JAKMIP1: variants seen among roughly 807,000 people sequenced by gnomAD.
JAKMIP1 encodes janus kinase and microtubule-interacting protein 1.
A neutral mutation model predicts 113.0 loss-of-function variants in JAKMIP1; 33 were observed. The observed-to-expected ratio is 0.29, with a 90% CI of 0.22 to 0.39. JAKMIP1 has a LOEUF of 0.39. Among genes scored for constraint, JAKMIP1 ranks in the 10% least tolerant of loss-of-function variants. The probability of loss-of-function intolerance (pLI) is 1.00; values close to 1 mark genes in which losing one functional copy is unlikely to be tolerated. For missense variants in JAKMIP1, 813 were observed against 1,080.5 expected (o/e 0.75, Z 3.47); for synonymous variants, 480 against 459.9 (o/e 1.04, Z -0.56).
chr4:6,060,833 C>T (rs1717172284), intron 10 of JAKMIP1, among the ~76,000 whole-genome samples: 1 of 152,228 alleles, frequency 6.6e-6, no homozygotes, highest in Non-Finnish European at 1.5e-5. Context: ...ACACTGGGGG[C>T]CCAGGCCCAG....
intron 2 of JAKMIP1, 22 bp from the exon 3 acceptor site, chr4:6,105,989 A>C (rs2108876199): frequency 6.6e-7 from 1 of 1,526,220 alleles, no homozygotes; most frequent in Middle Eastern, 1.7e-4. Flanking sequence ...GCGGCGAGAG[A>C]GCCGGTCAGG....
chr4:6,064,790 A>G lies in JAKMIP1; in HGVS notation c.1431+90T>C. On this transcript the variant is annotated intron_variant, in intron 9 of 20. Coordinates refer to ENST00000409021, the MANE Select transcript of JAKMIP1 (RefSeq NM_001099433.2). This position sits in a 1 kb window ranked among gnomAD's most constrained non-coding sequence, Gnocchi z 4.3. The stretch of plus-strand genomic sequence containing the variant: ...CATCTGGGGTTCAGAACTATAGGCA[A>G]GGGAGCGAAACTTGCAACTATCAAA... The G allele has an allele frequency of 6.4e-7, 1 of 1,551,168 alleles. No homozygotes were observed. The highest frequency in any genetic ancestry group is 8.8e-7 in the Non-Finnish European group (1 of 1,130,898).
In JAKMIP1 at chr4:6,168,774, C is replaced by T. The variant is rs895034287; in HGVS notation, c.-148+31479G>A. On this transcript the variant is annotated intron_variant, in intron 1 of 20. Transcript: ENST00000409021. The surrounding 1 kb of genome is among the most constrained non-coding windows in gnomAD (Gnocchi z 4.6). The stretch of plus-strand genomic sequence containing the variant: ...AATTAGCCAGGCCTGGTGGCATGCC[C>T]CTGTGGTCCCAGCTACTTGGGAGGC... Among the ~76,000 whole-genome samples, 3 of 151,976 alleles carry T rather than the reference C, an allele frequency of 2.0e-5. No homozygotes were observed. Among genetic ancestry groups the T allele is most frequent in the Non-Finnish European group, 2.9e-5 (2 of 68,002 alleles).
At chr4:6,146,046 CAAAT>C (rs749839457) in intron 1 of JAKMIP1, among the ~76,000 whole-genome samples, 9 of 152,206 alleles carry the variant, frequency 5.9e-5, no homozygotes, top group Non-Finnish European at 1.2e-4. Context: ...GATGAATAGA[CAAAT>C]AAACTGTGGT....
intron 5 of JAKMIP1, 62 bp downstream of exon 5, chr4:6,084,784 A>C: frequency 6.6e-7 from 1 of 1,521,946 alleles, no homozygotes; most frequent in South Asian, 1.3e-5. Context: ...GGCATGTTTC[A>C]GGGACTCAGG....
rs1712226821 is a variant in JAKMIP1 at position 6,098,494 on chromosome 4, A to G, written c.624+6979T>C. The stretch of plus-strand genomic sequence containing the variant: ...GAGGGAAGGAAAGAAAGAAAAGAGA[A>G]AGAAAAGAAAGGAAAGGAAGGAAGG... On this transcript the variant is annotated intron_variant, in intron 3 of 20. Transcript: ENST00000409021. 7.4e-5 allele frequency among the ~76,000 whole-genome samples: 11 copies of G among 149,228 alleles called. No homozygotes were observed. In the Admixed American group the frequency reaches 7.5e-4, roughly 10 times the overall value.
At chr4:6,103,235 A>G (rs940998000) in intron 3 of JAKMIP1, among the ~76,000 whole-genome samples, 1 of 152,186 alleles carries the variant, frequency 6.6e-6, no homozygotes, top group South Asian at 2.1e-4. Flanking sequence ...GAATTTTACC[A>G]ACAGATTTTT....
intron 1 of JAKMIP1, among the ~76,000 whole-genome samples, chr4:6,159,854 G>C (rs759844480): frequency 2.0e-5 from 3 of 152,156 alleles, no homozygotes; most frequent in Non-Finnish European, 4.4e-5. Context: ...GCAAGAGACT[G>C]GTTAAATAAA....
chr4:6,044,434 C>A lies in JAKMIP1; in HGVS notation c.2029-2207G>T, dbSNP rs1714734826. Among the ~76,000 whole-genome samples, 1 of 152,090 alleles carries A rather than the reference C, an allele frequency of 6.6e-6. No homozygotes were observed. The highest frequency in any genetic ancestry group is 2.1e-4 in the South Asian group (1 of 4,808). ...TTCCCTAACGCCACAGTGAGCTCGG[C>A]CCCCAGTACGGGCTCTGTGCCAGCC... On this transcript the variant is annotated intron_variant, in intron 16 of 20. Transcript: ENST00000409021. The surrounding 1 kb of genome is among the most constrained non-coding windows in gnomAD (Gnocchi z 4.4).
Position 6,106,769 on chromosome 4 carries a change from C to CT in JAKMIP1, c.130-803dup, listed in dbSNP as rs1391007346. On this transcript the variant is annotated intron_variant, in intron 2 of 20. Transcript: ENST00000409021. This position sits in a 1 kb window ranked among gnomAD's most constrained non-coding sequence, Gnocchi z 5.9. ...AACACTTCAAAATGCTTTCTTTAAC[C>CT]TTTTTGTTTCAAATATCACTCAACA... Among the ~76,000 whole-genome samples, 3 of 152,150 alleles carry CT rather than the reference C, an allele frequency of 2.0e-5. No homozygotes were observed. The highest frequency in any genetic ancestry group is 4.4e-5 in the Non-Finnish European group (3 of 68,024).
chr4:6,026,423 G>A (rs1422829570), intron 20 of JAKMIP1, 145 bp from the exon 21 acceptor site: 3 of 618,452 alleles, frequency 4.9e-6, no homozygotes, highest in African/African-American at 1.9e-5. Context: ...GAAATGGGAA[G>A]TAAACAGGCT....
In JAKMIP1 at chr4:6,042,181, A is replaced by G. The variant is rs1184789199; in HGVS notation, c.2075T>C (p.Met692Thr). 1 of 1,613,864 alleles carries G rather than the reference A, an allele frequency of 6.2e-7. No individual in the cohort carries two copies. Among genetic ancestry groups the G allele is most frequent in the Non-Finnish European group, 8.5e-7 (1 of 1,179,850 alleles). The change falls in exon 17 of 21, where the codon ATG becomes ACG. Residue 692 changes from methionine to threonine, a missense_variant. By Grantham distance (81) the Met-to-Thr change is moderately conservative (BLOSUM62 -1). This residue lies in a region of JAKMIP1 where 273 missense variants were observed against 426.6 expected (regional missense o/e 0.64). Coordinates refer to ENST00000409021, the MANE Select transcript of JAKMIP1 (RefSeq NM_001099433.2). The surrounding 1 kb of genome is among the most constrained non-coding windows in gnomAD (Gnocchi z 5.2). ...TACCTTCTCCTTCTCCAGGTCCAGCATCTTCTGGGTCAGGGCGGCCTCGGT... is the reference window on the plus strand; with the variant it reads ...TACCTTCTCCTTCTCCAGGTCCAGCGTCTTCTGGGTCAGGGCGGCCTCGGT... ...EGTEAALTQK[M>T]LDLEKEKDLF...
chr4:6,122,885 G>T (rs963555315), intron 1 of JAKMIP1, among the ~76,000 whole-genome samples: 1 of 152,186 alleles, frequency 6.6e-6, no homozygotes, highest in Non-Finnish European at 1.5e-5. Context: ...TTCTTGATCA[G>T]AAAATGAGGC....
At position 6,042,628 on chromosome 4, in the gene JAKMIP1, C is replaced by T. The variant is rs372363983; in HGVS notation, c.2029-401G>A. Among the ~76,000 whole-genome samples, 2 of 151,928 alleles carry T rather than the reference C, an allele frequency of 1.3e-5. No homozygotes were observed. The highest frequency in any genetic ancestry group is 2.4e-5 in the African/African-American group (1 of 41,364). ...TACGACCACCCCAAGCAGTAGGCAG[C>T]GTCACCCCTATTTTGCAGGTAAAGA... On this transcript the variant is annotated intron_variant, in intron 16 of 20. Transcript: ENST00000409021. The surrounding 1 kb of genome is among the most constrained non-coding windows in gnomAD (Gnocchi z 5.2).
rs530477143 is a variant in JAKMIP1 at position 6,183,253 on chromosome 4, C to T, written c.-148+17000G>A. On this transcript the variant is annotated intron_variant, in intron 1 of 20. Transcript: ENST00000409021. This position sits in a 1 kb window ranked among gnomAD's most constrained non-coding sequence, Gnocchi z 5.3. ...CAGCACTTTGGGAGGCTGAGGCAGGCGCATCACCTGAGGTCAGGAGTTTGA... is the reference window on the plus strand; with the variant it reads ...CAGCACTTTGGGAGGCTGAGGCAGGTGCATCACCTGAGGTCAGGAGTTTGA... Among the ~76,000 whole-genome samples the T allele has an allele frequency of 2.0e-5, 3 of 151,860 alleles. No homozygotes were observed. Among genetic ancestry groups the T allele is most frequent in the East Asian group, 1.9e-4 (1 of 5,166 alleles).
At chr4:6,063,045 G>A (rs2108787984) in intron 9 of JAKMIP1, among the ~76,000 whole-genome samples, 1 of 152,290 alleles carries the variant, frequency 6.6e-6, no homozygotes, top group African/African-American at 2.4e-5. Context: ...GGGAGGCTGA[G>A]GCAGGAGAAT....
rs376425451 is a variant in JAKMIP1, at chr4:6,091,670, T to A, written c.625-6041A>T. 1.1e-4 allele frequency among the ~76,000 whole-genome samples: 16 copies of A among 152,258 alleles called. No individual in the cohort carries two copies. The East Asian group carries it at 2.9e-3, about 28-fold the overall frequency. On this transcript the variant is annotated intron_variant, in intron 3 of 20. Coordinates refer to ENST00000409021, the MANE Select transcript of JAKMIP1 (RefSeq NM_001099433.2). ...GACAGCTCCCCTGAACACAAACCCA[T>A]GAACATACGTGATTGAGAAAAGGGG...
chr4:6,156,678 T>C lies in JAKMIP1; in HGVS notation c.-148+43575A>G, dbSNP rs1378570515. ...AAATGTCTGACAGCATCCGCTGAGA[T>C]GTGGGAGCTAAAATATCTCCTTCAT... is the stretch of plus-strand genomic sequence containing the variant. On this transcript the variant is annotated intron_variant, in intron 1 of 20. Transcript: ENST00000409021. The surrounding 1 kb of genome is among the most constrained non-coding windows in gnomAD (Gnocchi z 5.0). 2.6e-5 allele frequency among the ~76,000 whole-genome samples: 4 copies of C among 152,290 alleles called. No homozygotes were observed. The East Asian group carries it at 7.7e-4, about 29-fold the overall frequency.
At position 6,050,168 on chromosome 4, in the gene JAKMIP1, C is replaced by T. The variant is rs1293564867; in HGVS notation, c.1909-296G>A. ...CTCTAGGACACGGTAAACCCCGGGC[C>T]CTTCTAGCAACCACAGCCACCATCT... is the stretch of plus-strand genomic sequence containing the variant. On this transcript the variant is annotated intron_variant, in intron 14 of 20. Transcript: ENST00000409021. This position sits in a 1 kb window ranked among gnomAD's most constrained non-coding sequence, Gnocchi z 7.4. Among the ~76,000 whole-genome samples the T allele has an allele frequency of 2.6e-5, 4 of 152,202 alleles. No homozygotes were observed. Among genetic ancestry groups the T allele is most frequent in the African/African-American group, 9.7e-5 (4 of 41,450 alleles).
Sources: gnomAD v4.1 joint callset for allele counts (sites outside exome capture counted in the v4.1 genomes callset) on GRCh38, gnomAD v4.1.1 for gene constraint, gnomAD v4.1.1 regional missense constraint, Gnocchi (gnomAD v3.1) non-coding constraint, MANE v1.5 for transcripts, NCBI Gene and HGNC (gene_info 2026-07-23, HGNC 2026-07-21) for gene names.